The following CASR variants were observed in gnomAD, a reference collection of about 807,000 sequenced individuals.
The protein encoded by CASR is extracellular calcium-sensing receptor.
CASR carries 23 observed loss-of-function variants against 69.1 expected under a neutral mutation model. The observed-to-expected ratio is 0.33, with a 90% CI of 0.24 to 0.47. The LOEUF (loss-of-function observed/expected upper bound fraction) is 0.47, where lower values mean the gene tolerates loss of function less well. Ranked by LOEUF, CASR falls within the 20% of genes least tolerant of loss-of-function variation. CASR has a pLI of 1.00. For synonymous variants in CASR, 541 were observed against 544.7 expected, an observed-to-expected ratio of 0.99 and a Z score of 0.10; for missense variants, 924 against 1,356.1, an observed-to-expected ratio of 0.68 and a Z score of 5.00.
At chr3:122,281,934 C>T (rs1003695348) in intron 5 of CASR, 179 bp from the exon 6 acceptor site, 1 of 746,896 alleles carries the variant, frequency 1.3e-6, no homozygotes, top group Admixed American at 2.2e-5. Flanking sequence ...TCATCTGTCC[C>T]TTTCACAGAT....
intron 1 of CASR, among the ~76,000 whole-genome samples, chr3:122,212,893 C>T (rs937658435): frequency 4.6e-5 from 7 of 152,120 alleles, no homozygotes; most frequent in African/African-American, 1.7e-4. Flanking sequence ...CCGCTTGCCT[C>T]GGCCTCCCAA....
At chr3:122,215,160 C>T (rs907669887) in intron 1 of CASR, among the ~76,000 whole-genome samples, 2 of 152,234 alleles carry the variant, frequency 1.3e-5, no homozygotes, top group Admixed American at 1.3e-4. Context: ...CCTCTGCCTC[C>T]ATGGGTGAAC....
intron 1 of CASR, among the ~76,000 whole-genome samples, chr3:122,253,442 CA>C (rs1404146259): frequency 6.6e-6 from 1 of 152,126 alleles, no homozygotes; most frequent in East Asian, 1.9e-4. Context: ...AGGGTTTCAC[CA>C]TGTTGGTCAA....
At chr3:122,268,932 C>T (rs1400461836) in intron 4 of CASR, among the ~76,000 whole-genome samples, 3 of 152,100 alleles carry the variant, frequency 2.0e-5, no homozygotes, top group African/African-American at 7.2e-5. Context: ...AAGTAAATTA[C>T]ATGAAGGAAA....
rs572105578 is a variant in CASR, at chr3:122,244,300, TA to T, written c.-242-9647del. On this transcript the variant is annotated intron_variant, in intron 1 of 6. Transcript: ENST00000639785. ...AAATATCTCAGGTACCCCAGAAATA[TA>T]TATACCTGCTGTGTACCCACAAAAA... Among the ~76,000 whole-genome samples, 349 of 152,224 alleles carry T rather than the reference TA, an allele frequency of 2.3e-3. 2 individuals are homozygous for T. Among genetic ancestry groups the T allele is most frequent in the African/African-American group, 7.8e-3 (325 of 41,552 alleles).
At chr3:122,232,089 C>T (rs935411378) in intron 1 of CASR, among the ~76,000 whole-genome samples, 6 of 152,204 alleles carry the variant, frequency 3.9e-5, no homozygotes, top group Non-Finnish European at 5.9e-5. Flanking sequence ...TTGTTGTATT[C>T]TTTCCTTGCA....
chr3:122,240,681 G>C (rs912325900), intron 1 of CASR, among the ~76,000 whole-genome samples: 1 of 152,128 alleles, frequency 6.6e-6, no homozygotes, highest in African/African-American at 2.4e-5. Context: ...GAAACAAATG[G>C]ACCTAATAGA....
chr3:122,270,247 C>A (rs114802085), intron 4 of CASR, among the ~76,000 whole-genome samples: 20 of 152,208 alleles, frequency 1.3e-4, no homozygotes, highest in Admixed American at 1.3e-3. Context: ...ACTTTGTCCA[C>A]ATCGTCTAAT....
chr3:122,241,007 C>T (rs113130224), intron 1 of CASR, among the ~76,000 whole-genome samples: 157 of 151,942 alleles, frequency 1.0e-3, no homozygotes, highest in African/African-American at 3.4e-3. Flanking sequence ...CATAACATAC[C>T]AAAACCTATG....
chr3:122,247,155 A>G (rs2074435995), intron 1 of CASR: 1 of 152,194 alleles, frequency 6.6e-6, no homozygotes, highest in African/African-American at 2.4e-5. Context: ...CGGCATCATG[A>G]AAAGTGTCCT....
At position 122,257,210 on chromosome 3, in the gene CASR, T is replaced by A; in HGVS notation, c.315T>A (p.Ser105=). 6.2e-7 allele frequency: 1 copy of A among 1,614,240 alleles called. No individual in the cohort carries two copies. Among genetic ancestry groups the A allele is most frequent in the Non-Finnish European group, 8.5e-7 (1 of 1,180,046 alleles). Reference sequence around the variant, plus strand: ...TATTTGACACTTGCAACACCGTTTCTAAGGCCTTGGAAGCCACCCTGAGTT... The same window carrying A: ...TATTTGACACTTGCAACACCGTTTCAAAGGCCTTGGAAGCCACCCTGAGTT... ...YRIFDTCNTV[S]KALEATLSFV... Residue 105 remains serine, a synonymous_variant, in exon 3 of 7, where the codon TCT becomes TCA. Transcript: ENST00000639785.
intron 1 of CASR, among the ~76,000 whole-genome samples, chr3:122,201,964 A>T (rs2073958536): frequency 6.6e-6 from 1 of 150,768 alleles, no homozygotes; most frequent in Admixed American, 6.6e-5. Context: ...GGCTCCTCAC[A>T]TCCCAGATGA....
chr3:122,243,741 C>A (rs893222979), intron 1 of CASR, among the ~76,000 whole-genome samples: 2 of 152,050 alleles, frequency 1.3e-5, no homozygotes, highest in African/African-American at 4.8e-5. Context: ...TTTGTTGCAG[C>A]AGTATTCACA....
chr3:122,230,150 A>T (rs2074265212), intron 1 of CASR, among the ~76,000 whole-genome samples: 1 of 152,370 alleles, frequency 6.6e-6, no homozygotes, highest in South Asian at 2.1e-4. Context: ...TTAAGTTATC[A>T]ATAACCCCTG....
At chr3:122,193,513 G>A (rs144851676) in intron 1 of CASR, among the ~76,000 whole-genome samples, 77 of 152,070 alleles carry the variant, frequency 5.1e-4, no homozygotes, top group African/African-American at 1.7e-3. Context: ...CACCATACCC[G>A]GCCCTATCCT....
intron 1 of CASR, among the ~76,000 whole-genome samples, chr3:122,243,194 A>G (rs967445738): frequency 7.9e-5 from 12 of 152,106 alleles, no homozygotes; most frequent in Non-Finnish European, 2.9e-5. Context: ...CCAGTTAAAA[A>G]CCTTCTGCAC....
chr3:122,193,169 C>T (rs6792504), intron 1 of CASR, among the ~76,000 whole-genome samples: 25,776 of 147,878 alleles, frequency 0.17, 2,312 homozygotes, highest in African/African-American at 0.21. Flanking sequence ...TATTATCATT[C>T]TCCTATTCTT....
chr3:122,197,619 T>C (rs2073902538), intron 1 of CASR, among the ~76,000 whole-genome samples: 1 of 152,204 alleles, frequency 6.6e-6, no homozygotes, highest in Non-Finnish European at 1.5e-5. Context: ...TTTTCTTCTC[T>C]TTTGACTCAG....
chr3:122,275,325 T>C (rs1443028871), intron 4 of CASR, among the ~76,000 whole-genome samples: 1 of 152,228 alleles, frequency 6.6e-6, no homozygotes, highest in African/African-American at 2.4e-5. Flanking sequence ...CACCCCACTC[T>C]GTGAATCTTG....
Sources: allele counts gnomAD v4.1 joint callset (sites outside exome capture counted in the v4.1 genomes callset), GRCh38; gene constraint gnomAD v4.1.1; transcripts MANE v1.5; gene names NCBI Gene and HGNC (gene_info 2026-07-23, HGNC 2026-07-21).